Variants in GSE1 observed in about 807,000 individuals in gnomAD.
GSE1 encodes the protein genetic suppressor element 1.
A neutral mutation model predicts 112.6 loss-of-function variants in GSE1; 32 were observed. The ratio of observed to expected loss-of-function variants is 0.28; its 90% CI spans 0.21 to 0.38. The LOEUF (loss-of-function observed/expected upper bound fraction) is 0.38, where lower values mean the gene tolerates loss of function less well. Ranked by LOEUF, GSE1 falls within the 10% of genes least tolerant of loss-of-function variation. The pLI is 1.00. For synonymous variants in GSE1, 1,115 were observed against 735.6 expected (o/e 1.52, Z -8.35); for missense variants, 2,348 against 1,699.2 (o/e 1.38, Z -6.71).
At chr16:85,548,789 T>A (rs1407894275) in intron 2 of GSE1, among the ~76,000 whole-genome samples, 1 of 152,170 alleles carries the variant, frequency 6.6e-6, no homozygotes, top group Non-Finnish European at 1.5e-5. Context: ...TGATCTGGTC[T>A]GGGGATTCTT....
chr16:85,612,679 T>G (rs1388473606), upstream of GSE1, among the ~76,000 whole-genome samples: 2 of 117,660 alleles, frequency 1.7e-5, no homozygotes, highest in Admixed American at 1.0e-4. Flanking sequence ...CTTTTCTAGT[T>G]GGGGTAATAA....
At chr16:85,461,843 G>A (rs529692438) in intron 2 of GSE1, among the ~76,000 whole-genome samples, 1 of 151,078 alleles carries the variant, frequency 6.6e-6, no homozygotes, top group Non-Finnish European at 1.5e-5. Flanking sequence ...CCCTCCTCCC[G>A]GACCTTCTCC....
chr16:85,233,541 G>A (rs369788313), intron 1 of GSE1, among the ~76,000 whole-genome samples: 151 of 152,326 alleles, frequency 9.9e-4, no homozygotes, highest in Middle Eastern at 3.4e-3. Flanking sequence ...CACACATGTT[G>A]TACAGTGTCT....
intron 1 of GSE1, among the ~76,000 whole-genome samples, chr16:85,291,123 TTATCCCCATTTTACAG>T (rs2045196845): frequency 6.6e-6 from 1 of 152,206 alleles, no homozygotes; most frequent in Non-Finnish European, 1.5e-5. Context: ...GGCACTGTCA[TTATCCCCATTTTACAG>T]AAGGGGAAAC....
intron 2 of GSE1, among the ~76,000 whole-genome samples, chr16:85,366,459 ACTT>A (rs2047187603): frequency 6.6e-6 from 1 of 152,242 alleles, no homozygotes; most frequent in East Asian, 1.9e-4. Flanking sequence ...CTTCTCTGGA[ACTT>A]CTTGTAATGC....
At chr16:85,600,902 G>C (rs1317948583) in intron 1 of GSE1, among the ~76,000 whole-genome samples, 2 of 152,124 alleles carry the variant, frequency 1.3e-5, no homozygotes, top group African/African-American at 2.4e-5. Context: ...ATTTCATTTA[G>C]CTCAGTCTCC....
intron 2 of GSE1, among the ~76,000 whole-genome samples, chr16:85,478,830 G>A (rs980585473): frequency 1.4e-5 from 2 of 144,876 alleles, no homozygotes; most frequent in South Asian, 2.2e-4. Context: ...ACCATGCCCC[G>A]CTCATTTATT....
At chr16:85,371,264 A>C (rs2047294493) in intron 2 of GSE1, among the ~76,000 whole-genome samples, 1 of 152,176 alleles carries the variant, frequency 6.6e-6, no homozygotes, top group Non-Finnish European at 1.5e-5. Context: ...CCCAAGTGGA[A>C]AGTGCTCCTG....
intron 1 of GSE1, among the ~76,000 whole-genome samples, chr16:85,624,803 G>A (rs1221024490): frequency 6.6e-6 from 1 of 152,202 alleles, no homozygotes; most frequent in Non-Finnish European, 1.5e-5. Flanking sequence ...TGGGGAGAAT[G>A]TGACAAGGGA....
chr16:85,224,301 C>CAAAAAAAAAAAAAAAAAAAAAAAAAA (rs55755242), intron 1 of GSE1, among the ~76,000 whole-genome samples: 1 of 38,814 alleles, frequency 2.6e-5, no homozygotes, highest in Non-Finnish European at 4.2e-5. Context: ...ACTAAAAATA[C>CAAAAAAAAAAAAAAAAAAAAAAAAAA]AAAAAAAAAA....
intron 2 of GSE1, among the ~76,000 whole-genome samples, chr16:85,399,287 A>T (rs2048037069): frequency 6.6e-6 from 1 of 152,178 alleles, no homozygotes; most frequent in Non-Finnish European, 1.5e-5. Flanking sequence ...GGGCCCCCCC[A>T]GCACAGAGTC....
chr16:85,409,957 T>G (rs149093146), intron 2 of GSE1, among the ~76,000 whole-genome samples: 1,587 of 2,402 alleles, frequency 0.66, 776 homozygotes, highest in Middle Eastern at 1. Flanking sequence ...AATCCTCACT[T>G]TTACACTCAG....
At chr16:85,444,602 T>C (rs1371224048) in intron 2 of GSE1, among the ~76,000 whole-genome samples, 1 of 152,166 alleles carries the variant, frequency 6.6e-6, no homozygotes, top group African/African-American at 2.4e-5. Context: ...AGTGCCCTGG[T>C]TGCAGGTGTC....
intron 1 of GSE1, among the ~76,000 whole-genome samples, chr16:85,237,793 G>C (rs186969641): frequency 3.3e-5 from 5 of 151,188 alleles, no homozygotes; most frequent in African/African-American, 1.2e-4. Context: ...AGCCAAGATC[G>C]CGCCACCGCA....
intron 1 of GSE1, among the ~76,000 whole-genome samples, chr16:85,196,208 T>C (rs1288002446): frequency 2.0e-5 from 3 of 152,206 alleles, no homozygotes; most frequent in Middle Eastern, 3.2e-3. Flanking sequence ...GCCCGTGTTA[T>C]CATTGTCTCG....
At chr16:85,536,070 C>T (rs1174126183) in intron 2 of GSE1, among the ~76,000 whole-genome samples, 2 of 152,236 alleles carry the variant, frequency 1.3e-5, no homozygotes, top group African/African-American at 4.8e-5. Context: ...CCCAGAAGGC[C>T]ACGAGAAAGA....
chr16:85,555,984 A>C (rs894269574), exon 1 of GSE1: 18 of 984,428 alleles, frequency 1.8e-5, no homozygotes, highest in Non-Finnish European at 2.2e-5. Context: ...CAAGTCCAAA[A>C]GGCAGAAAAT....
intron 2 of GSE1, among the ~76,000 whole-genome samples, chr16:85,473,530 G>T (rs748994699): frequency 4.6e-5 from 7 of 152,142 alleles, no homozygotes; most frequent in Non-Finnish European, 7.4e-5. Context: ...TGCCTCTGCC[G>T]GCTCCCCCTG....
At chr16:85,483,400 ACT>A (rs940051530) in intron 2 of GSE1, among the ~76,000 whole-genome samples, 1 of 152,034 alleles carries the variant, frequency 6.6e-6, no homozygotes, top group Non-Finnish European at 1.5e-5. Flanking sequence ...TCCCTCACCC[ACT>A]CTGTGCCTCA....
Sources: allele counts gnomAD v4.1 joint callset (sites outside exome capture counted in the v4.1 genomes callset), GRCh38; gene constraint gnomAD v4.1.1; transcripts MANE v1.5; gene names NCBI Gene and HGNC (gene_info 2026-07-23, HGNC 2026-07-21).